Variants in IPCEF1 observed in about 807,000 individuals in gnomAD.
The protein encoded by IPCEF1 is interactor protein for cytohesin exchange factors 1.
In IPCEF1, 31 loss-of-function variants were observed where a neutral mutation model predicts 50.9. That is an observed-to-expected ratio of 0.61 (90% CI 0.46 to 0.82). The LOEUF (loss-of-function observed/expected upper bound fraction) is 0.82. IPCEF1 is among the 40% of genes least tolerant of loss of function. The pLI is 0.00. For synonymous variants in IPCEF1, 181 were observed against 192.0 expected, an observed-to-expected ratio of 0.94 and a Z score of 0.47; for missense variants, 458 against 514.0, an observed-to-expected ratio of 0.89 and a Z score of 1.05.
chr6:154,209,532 A>C (rs960921784), intron 9 of IPCEF1, among the ~76,000 whole-genome samples: 1 of 151,948 alleles, frequency 6.6e-6, no homozygotes, highest in Admixed American at 6.6e-5. Context: ...CTGTAGTCCC[A>C]GCTACTCGGG....
At chr6:154,176,786 C>A (rs1353607389) in intron 10 of IPCEF1, among the ~76,000 whole-genome samples, 1 of 152,194 alleles carries the variant, frequency 6.6e-6, no homozygotes, top group African/African-American at 2.4e-5. Flanking sequence ...CCCACTGACT[C>A]TTCACAGAAT....
At chr6:154,160,079 G>A (rs763016051) in intron 11 of IPCEF1, 39 bp from the exon 12 acceptor site, 1 of 1,473,156 alleles carries the variant, frequency 6.8e-7, no homozygotes, top group South Asian at 1.2e-5. Context: ...GGTATGTTGA[G>A]AGTGTCTTAA....
At chr6:154,352,195 T>G (rs1479571528) in intron 1 of IPCEF1, among the ~76,000 whole-genome samples, 1 of 152,086 alleles carries the variant, frequency 6.6e-6, no homozygotes, top group African/African-American at 2.4e-5. Flanking sequence ...AAATGTAAAC[T>G]AAAAGGTAAA....
intron 1 of IPCEF1, among the ~76,000 whole-genome samples, chr6:154,336,543 A>G (rs1178655679): frequency 6.6e-6 from 1 of 152,180 alleles, no homozygotes; most frequent in East Asian, 1.9e-4. Context: ...GAGGATGAAG[A>G]AAGATTGGTC....
intron 2 of IPCEF1, among the ~76,000 whole-genome samples, chr6:154,280,391 C>T (rs1294881728): frequency 1.3e-5 from 2 of 151,812 alleles, no homozygotes; most frequent in South Asian, 2.1e-4. Context: ...CAAAGTGAAA[C>T]TCTATCTCTA....
intron 9 of IPCEF1, among the ~76,000 whole-genome samples, chr6:154,204,443 ATAT>A (rs1053017436): frequency 6.6e-6 from 1 of 152,194 alleles, no homozygotes; most frequent in Non-Finnish European, 1.5e-5. Flanking sequence ...TGTATTGGCC[ATAT>A]TAGCAAAAAC....
intron 3 of IPCEF1, among the ~76,000 whole-genome samples, chr6:154,254,216 T>G (rs1031139578): frequency 6.6e-6 from 1 of 152,208 alleles, no homozygotes; most frequent in Non-Finnish European, 1.5e-5. Flanking sequence ...ATAATCAAAT[T>G]TTGTAAACAT....
At chr6:154,180,403 TATATATATATA>T (rs1800747445) in intron 10 of IPCEF1, among the ~76,000 whole-genome samples, 1 of 42,804 alleles carries the variant, frequency 2.3e-5, no homozygotes, top group African/African-American at 6.8e-5. Context: ...TATATATATA[TATATATATATA>T]TTTTTTTTTT....
chr6:154,203,251 C>G (rs1242066765), intron 9 of IPCEF1, among the ~76,000 whole-genome samples: 1 of 152,150 alleles, frequency 6.6e-6, no homozygotes, highest in African/African-American at 2.4e-5. Flanking sequence ...ATGAGCCCAA[C>G]CTTCGTGTGT....
chr6:154,347,215 A>C (rs1024894094), intron 1 of IPCEF1, among the ~76,000 whole-genome samples: 1 of 152,214 alleles, frequency 6.6e-6, no homozygotes, highest in Non-Finnish European at 1.5e-5. Context: ...GAAATTATGT[A>C]GCATCCTTTT....
At chr6:154,205,016 G>A (rs1023093112) in intron 9 of IPCEF1, among the ~76,000 whole-genome samples, 7 of 152,024 alleles carry the variant, frequency 4.6e-5, no homozygotes, top group South Asian at 2.1e-4. Flanking sequence ...TTGGGTGGAC[G>A]GCCTCCTTCC....
chr6:154,319,044 A>G (rs943936712), intron 1 of IPCEF1, among the ~76,000 whole-genome samples: 3 of 152,198 alleles, frequency 2.0e-5, no homozygotes, highest in Non-Finnish European at 2.9e-5. Context: ...GTGATAACTA[A>G]TATCTTAGAT....
intron 10 of IPCEF1, among the ~76,000 whole-genome samples, chr6:154,188,071 C>A (rs1344463048): frequency 2.0e-5 from 3 of 152,010 alleles, no homozygotes; most frequent in African/African-American, 7.2e-5. Context: ...AGGAAAAAAG[C>A]AAAACCATTA....
intron 1 of IPCEF1, among the ~76,000 whole-genome samples, chr6:154,349,086 A>G (rs956028196): frequency 5.3e-4 from 80 of 152,266 alleles, no homozygotes; most frequent in Admixed American, 4.5e-3. Flanking sequence ...AAAGAATTAT[A>G]TTCTTTAGGA....
At chr6:154,346,654 G>A (rs931094618) in intron 1 of IPCEF1, among the ~76,000 whole-genome samples, 2 of 152,300 alleles carry the variant, frequency 1.3e-5, no homozygotes, top group East Asian at 3.9e-4. Context: ...CAGTCATGGT[G>A]GAACGGGAAG....
intron 10 of IPCEF1, among the ~76,000 whole-genome samples, chr6:154,197,905 A>G (rs748550459): frequency 1.1e-4 from 16 of 152,212 alleles, no homozygotes; most frequent in African/African-American, 1.2e-4. Flanking sequence ...GAGAAAAATA[A>G]TAGATGTAGT....
intron 9 of IPCEF1, among the ~76,000 whole-genome samples, chr6:154,203,892 G>T (rs956805029): frequency 6.6e-6 from 1 of 152,176 alleles, no homozygotes; most frequent in Admixed American, 6.5e-5. Context: ...CCTCCATAAA[G>T]TTGCTGAGTG....
intron 1 of IPCEF1, among the ~76,000 whole-genome samples, chr6:154,312,479 T>A (rs963667735): frequency 2.0e-5 from 3 of 152,098 alleles, no homozygotes; most frequent in Non-Finnish European, 4.4e-5. Context: ...CCTGAGTAAC[T>A]GGGACTACAG....
At chr6:154,337,964 C>T (rs1235736678) in intron 1 of IPCEF1, among the ~76,000 whole-genome samples, 1 of 152,186 alleles carries the variant, frequency 6.6e-6, no homozygotes, top group Non-Finnish European at 1.5e-5. Flanking sequence ...GAAACTGTGG[C>T]TCAGAAGAGT....
Sources: gnomAD v4.1 joint callset for allele counts (sites outside exome capture counted in the v4.1 genomes callset) on GRCh38, gnomAD v4.1.1 for gene constraint, MANE v1.5 for transcripts, NCBI Gene and HGNC (gene_info 2026-07-23, HGNC 2026-07-21) for gene names.